The following ZNF480 variants were observed in gnomAD, a reference collection of about 807,000 sequenced individuals.
ZNF480 encodes zinc finger protein 480.
Under a neutral mutation model 14.4 loss-of-function variants are expected in ZNF480, and 15 were observed. The ratio of observed to expected loss-of-function variants is 1.04; its 90% confidence interval spans 0.70 to 1.60. The LOEUF is 1.60. Ranked by LOEUF, ZNF480 falls within the 40% of genes most tolerant of loss-of-function variation. The probability of loss-of-function intolerance (pLI) is 0.00; values close to 1 mark genes in which losing one functional copy is unlikely to be tolerated. For missense variants in ZNF480, 593 were observed against 629.7 expected (o/e 0.94, Z 0.62); for synonymous variants, 218 against 215.5 (o/e 1.01, Z -0.10).
chr19:52,302,886 G>A (rs1982763527), intron 2 of ZNF480, among the ~76,000 whole-genome samples: 1 of 152,212 alleles, frequency 6.6e-6, no homozygotes, highest in Non-Finnish European at 1.5e-5. Flanking sequence ...TATTGCAGTA[G>A]CAACTAGGCG....
intron 2 of ZNF480, among the ~76,000 whole-genome samples, chr19:52,302,564 A>C (rs1982746773): frequency 6.6e-6 from 1 of 152,216 alleles, no homozygotes; most frequent in African/African-American, 2.4e-5. Context: ...ATTGCAGAAA[A>C]TGCCATTTAA....
rs1319873161 is a variant in ZNF480, at chr19:52,300,474, C to T, written c.62C>T (p.Ala21Val). The T allele has an allele frequency of 1.2e-6, 2 of 1,612,452 alleles. No homozygotes were observed. Among genetic ancestry groups the T allele is most frequent in the Non-Finnish European group, 1.7e-6 (2 of 1,179,782 alleles). ...AGGAAAGCAAAGGAGTCAGGGATGG[C>T]TCTTCCTCAGGTGAGATGATATTCT... ...RKRKAKESGM[A>V]LPQGHLTFRD... is the part of the protein sequence containing the mutation. The change falls in exon 2 of 5, where the codon GCT becomes GTT. Residue 21 changes from alanine (A) to valine (V), a missense_variant. Transcript: ENST00000595962.
Position 52,322,348 on chromosome 19 carries a change from T to C in ZNF480, c.1098T>C (p.Thr366=). The C allele has an allele frequency of 6.2e-7, 1 of 1,613,894 alleles. No individual in the cohort carries two copies. Among genetic ancestry groups the C allele is most frequent in the Non-Finnish European group, 8.5e-7 (1 of 1,179,974 alleles). The change falls in exon 5 of 5, where the codon ACT becomes ACC. Residue 366 remains threonine (T), a synonymous_variant. Coordinates refer to ENST00000595962, the MANE Select transcript of ZNF480 (RefSeq NM_144684.4). ...TTGTACGACATCAGAAAATTCATAC[T>C]GGAGAGAAACCTTACAAATGTAATG... The part of the protein sequence containing the change: ...ALLVRHQKIH[T]GEKPYKCNEC...
At chr19:52,320,888 A>G (rs1480053644) in intron 4 of ZNF480, among the ~76,000 whole-genome samples, 1 of 152,132 alleles carries the variant, frequency 6.6e-6, no homozygotes, top group African/African-American at 2.4e-5. Flanking sequence ...GAAGCAGGAG[A>G]GATCGCTTGA....
Position 52,321,982 on chromosome 19 carries a change from A to T in ZNF480, c.732A>T (p.Ser244=). ...GCGGCAAGGTCTTTAGTCGCAATTC[A>T]CACCTTGCAGAACATTGTAGAATTC... ...NSCGKVFSRN[S]HLAEHCRIHT... is the part of the protein sequence containing the mutation. The change falls in exon 5 of 5, where the codon TCA becomes TCT. Residue 244 remains serine, a synonymous_variant. Transcript: ENST00000595962. 1 of 1,613,680 alleles carries T rather than the reference A, an allele frequency of 6.2e-7. No homozygotes were observed. The highest frequency in any genetic ancestry group is 8.5e-7 in the Non-Finnish European group (1 of 1,179,846).
At chr19:52,302,354 G>C (rs1012827543) in intron 2 of ZNF480, among the ~76,000 whole-genome samples, 11 of 152,280 alleles carry the variant, frequency 7.2e-5, no homozygotes, top group African/African-American at 2.4e-4. Flanking sequence ...CATAATCACT[G>C]TTCCCCCCTT....
chr19:52,303,950 A>G (rs1399189227), intron 2 of ZNF480, among the ~76,000 whole-genome samples: 3 of 152,230 alleles, frequency 2.0e-5, no homozygotes, highest in African/African-American at 7.2e-5. Flanking sequence ...GTCAGGAGCT[A>G]TAATTAAACT....
chr19:52,297,550 G>T (rs1423222285), intron 1 of ZNF480, among the ~76,000 whole-genome samples: 2 of 152,076 alleles, frequency 1.3e-5, no homozygotes, highest in South Asian at 2.1e-4. Context: ...CGGTCTATGC[G>T]GTCCCCCAAG....
intron 2 of ZNF480, among the ~76,000 whole-genome samples, chr19:52,303,974 G>A (rs1038416009): frequency 2.3e-4 from 35 of 152,266 alleles, no homozygotes; most frequent in African/African-American, 7.7e-4. Context: ...ATGAGAAATC[G>A]AATTTTTTAA....
At position 52,321,838 on chromosome 19, in the gene ZNF480, A is replaced by G; in HGVS notation, c.588A>G (p.Val196=). ...DSSFLPQEQK[V]HLREKPYECN... The stretch of plus-strand genomic sequence containing the variant: ...CATTTCTCCCACAAGAACAGAAAGT[A>G]CACCTTAGAGAAAAACCTTATGAAT... Residue 196 remains valine, a synonymous_variant, in exon 5 of 5, where the codon GTA becomes GTG. Transcript: ENST00000595962. 6.2e-7 allele frequency: 1 copy of G among 1,614,160 alleles called. No individual in the cohort carries two copies. The highest frequency in any genetic ancestry group is 8.5e-7 in the Non-Finnish European group (1 of 1,180,002).
At chr19:52,306,252 G>A (rs902171002) in intron 2 of ZNF480, among the ~76,000 whole-genome samples, 4 of 152,158 alleles carry the variant, frequency 2.6e-5, no homozygotes, top group Non-Finnish European at 4.4e-5. Context: ...ACCTTTTTAA[G>A]AGACTCCTGT....
chr19:52,311,000 G>A (rs373558441), intron 2 of ZNF480, among the ~76,000 whole-genome samples: 3 of 97,534 alleles, frequency 3.1e-5, no homozygotes, highest in East Asian at 2.6e-4. Context: ...GCGAGATTCC[G>A]CCTCAAAAAA....
At chr19:52,304,887 A>T (rs2122521731) in intron 2 of ZNF480, among the ~76,000 whole-genome samples, 1 of 152,120 alleles carries the variant, frequency 6.6e-6, no homozygotes, top group East Asian at 1.9e-4. Context: ...TCACGAGGTC[A>T]GGAGTTTGAG....
intron 1 of ZNF480, 147 bp downstream of exon 1, chr19:52,297,370 C>T (rs1982451049): frequency 1.0e-5 from 4 of 382,430 alleles, no homozygotes; most frequent in Admixed American, 6.7e-5. Context: ...GAGAGTCAGG[C>T]GGTCGCTTCC....
At chr19:52,314,491 A>C (rs1286156969) in intron 3 of ZNF480, among the ~76,000 whole-genome samples, 1 of 150,872 alleles carries the variant, frequency 6.6e-6, no homozygotes, top group Admixed American at 6.6e-5. Context: ...AAAAAAAAAA[A>C]AAAAAAACCA....
intron 3 of ZNF480, among the ~76,000 whole-genome samples, chr19:52,314,930 A>G (rs1452578623): frequency 6.6e-6 from 1 of 152,120 alleles, no homozygotes; most frequent in East Asian, 1.9e-4. Context: ...TTCATTATAC[A>G]TCATTGGGTG....
intron 2 of ZNF480, 27 bp from the exon 3 acceptor site, chr19:52,314,126 G>A (rs1248500188): frequency 2.6e-6 from 4 of 1,544,224 alleles, no homozygotes; most frequent in Admixed American, 1.8e-5. Context: ...TACATATCCT[G>A]TTGGTGAAAT....
chr19:52,314,391 A>G (rs1362053340), intron 3 of ZNF480, 112 bp downstream of exon 3: 1 of 1,091,468 alleles, frequency 9.2e-7, no homozygotes, highest in Non-Finnish European at 1.2e-6. Flanking sequence ...AAGCAGGAGA[A>G]TCACTTGAAC....
Position 52,300,697 on chromosome 19 carries a change from T to C in ZNF480, c.72+213T>C, listed in dbSNP as rs368625770. 30 of 810,824 alleles carry C rather than the reference T, an allele frequency of 3.7e-5. 1 individual carries two copies. Among genetic ancestry groups the C allele is most frequent in the African/African-American group, 2.3e-4 (13 of 57,656 alleles). The allele number at this position is 810,824 out of a possible 1,614,324, so 50.2% of individuals were successfully genotyped here. A position where few individuals can be genotyped will look rare whatever the true frequency, so the allele number is the denominator to read the frequency against. On this transcript the variant is annotated intron_variant, in intron 2 of 4. Coordinates refer to ENST00000595962, the MANE Select transcript of ZNF480 (RefSeq NM_144684.4). Reference sequence around the variant, plus strand: ...TAAAGACACAGACACAAGAATAGAGTGTAAAGTGGGATCAGGGGCCAACAG... The same window carrying C: ...TAAAGACACAGACACAAGAATAGAGCGTAAAGTGGGATCAGGGGCCAACAG...
Sources: allele counts gnomAD v4.1 joint callset (sites outside exome capture counted in the v4.1 genomes callset), GRCh38; gene constraint gnomAD v4.1.1; transcripts MANE v1.5; gene names NCBI Gene and HGNC (gene_info 2026-07-23, HGNC 2026-07-21).